AIFM3: variants seen among roughly 807,000 people sequenced by gnomAD.
AIFM3 encodes the protein AIF family member 3, also known as apoptosis-inducing factor 3.
In AIFM3, 71 loss-of-function variants were observed where a neutral mutation model predicts 82.7. That is an observed-to-expected ratio of 0.86 (90% confidence interval 0.71 to 1.05). AIFM3 has a LOEUF of 1.05. Ranked by LOEUF, AIFM3 falls within the 50% of genes least tolerant of loss-of-function variation. AIFM3 has a pLI of 0.00. For synonymous variants in AIFM3, 337 were observed against 329.1 expected (o/e 1.02, Z -0.26); for missense variants, 748 against 816.7 (o/e 0.92, Z 1.03).
In AIFM3 at chr22:20,974,824, G is replaced by A; in HGVS notation, c.720+8G>A. On this transcript the variant is annotated splice_region_variant and intron_variant, in intron 8 of 20. Coordinates refer to ENST00000440238, the MANE Select transcript of AIFM3 (RefSeq NM_001386814.1). ...CGTCCCAAGCTCAGCAAGGTACAGG[G>A]GGTGGGGCAAGTAGGGACCCTATCC... 6.2e-7 allele frequency: 1 copy of A among 1,611,804 alleles called. No individual in the cohort carries two copies. Among genetic ancestry groups the A allele is most frequent in the Non-Finnish European group, 8.5e-7 (1 of 1,179,640 alleles).
In AIFM3 at chr22:20,976,840, CGCCCACCT is replaced by C. The variant is rs1569149536; in HGVS notation, c.1147-20_1147-13del. The C allele has an allele frequency of 6.3e-7, 1 of 1,593,124 alleles. No homozygotes were observed. Among genetic ancestry groups the C allele is most frequent in the Non-Finnish European group, 8.6e-7 (1 of 1,168,438 alleles). ...GGCCCCTGGCTGGGCTCTCATCCAC[CGCCCACCT>C]GCCCACTTGCCCTGACAGATGTTTG... On this transcript the variant is annotated intron_variant, in intron 12 of 20. Transcript: ENST00000440238.
intron 12 of AIFM3, 25 bp from the exon 13 acceptor site, chr22:20,976,842 C>A: frequency 6.3e-7 from 1 of 1,592,738 alleles, no homozygotes; most frequent in South Asian, 1.1e-5. Flanking sequence ...TCATCCACCG[C>A]CCACCTGCCC....
rs1437951610 is a variant in AIFM3, at chr22:20,967,274, A to G, written c.-170A>G. ...AGCCTCAGTCCACTGCTGGGCCTGG[A>G]ACACGGAGCAGTGGCTGCCCTGCGA... On this transcript the variant is annotated 5_prime_UTR_variant, in exon 1 of 21. Transcript: ENST00000440238. The G allele has an allele frequency of 6.6e-6, 1 of 152,300 alleles. No homozygotes were observed. The highest frequency in any genetic ancestry group is 2.4e-5 in the African/African-American group (1 of 41,416). The allele number at this position is 152,300 out of a possible 1,614,324, so 9.4% of individuals were successfully genotyped here.
At position 20,977,944 on chromosome 22, in the gene AIFM3, C is replaced by T; in HGVS notation, c.1416C>T (p.Pro472=). Reference sequence around the variant, plus strand: ...CAGCTGGCGATGCTGTCACCTTCCCCCTTGCCTGGAGGAACAACCGCAAAG... The same window carrying T: ...CAGCTGGCGATGCTGTCACCTTCCCTCTTGCCTGGAGGAACAACCGCAAAG... ...VFAAGDAVTF[P]LAWRNNRKVN... Residue 472 remains proline (P), a synonymous_variant, in exon 16 of 21, where the codon CCC becomes CCT. Coordinates refer to ENST00000440238, the MANE Select transcript of AIFM3 (RefSeq NM_001386814.1). 6.2e-7 allele frequency: 1 copy of T among 1,614,200 alleles called. No homozygotes were observed.
chr22:20,974,339 G>A (rs1489216413), intron 6 of AIFM3, 43 bp downstream of exon 6: 1 of 1,606,194 alleles, frequency 6.2e-7, no homozygotes, highest in East Asian at 2.2e-5. Flanking sequence ...GAGGAGCCGG[G>A]AGGGCATCTT....
rs1459990567 is a variant in AIFM3 at position 20,973,183 on chromosome 22, G to T, written c.32-124G>T. On this transcript the variant is annotated intron_variant, in intron 2 of 20. Transcript: ENST00000440238. ...GGGCTGGTGGTGCAGAGGGAATTCT[G>T]GGGAGGTTGCCAGGCAGGGCTGAGC... The T allele has an allele frequency of 7.2e-6, 8 of 1,114,620 alleles. No individual in the cohort carries two copies. The Admixed American group carries it at 1.5e-4, about 21-fold the overall frequency. 69.0% of individuals were successfully genotyped at this position (1,114,620 alleles called of 1,614,324 possible).
upstream of AIFM3, among the ~76,000 whole-genome samples, chr22:20,966,245 AGGGCTGAAC>A (rs1922886771): frequency 5.1e-5 from 1 of 19,728 alleles, no homozygotes; most frequent in South Asian, 1.9e-3. Context: ...GGAAGCGGGC[AGGGCTGAAC>A]CAGGGCTGAA....
chr22:20,976,608 G>C lies in AIFM3; in HGVS notation c.1031-43G>C. The C allele has an allele frequency of 1.9e-6, 3 of 1,612,874 alleles. No individual in the cohort carries two copies. In the South Asian group the frequency reaches 3.3e-5, roughly 18 times the overall value. On this transcript the variant is annotated intron_variant, in intron 11 of 20. Coordinates refer to ENST00000440238, the MANE Select transcript of AIFM3 (RefSeq NM_001386814.1). ...CCAGTCCCAGGGAAGTTCTGGTCGA[G>C]GAAGGTGCAGGTGCCAGCCTGCCAC...
Position 20,980,055 on chromosome 22 carries a change from A to G in AIFM3, c.1688A>G (p.Tyr563Cys), listed in dbSNP as rs1193818891. 1 of 1,611,528 alleles carries G rather than the reference A, an allele frequency of 6.2e-7. No homozygotes were observed. The highest frequency in any genetic ancestry group is 8.5e-7 in the Non-Finnish European group (1 of 1,179,986). Residue 563 changes from tyrosine (Y) to cysteine (C), a missense_variant, in exon 19 of 21, where the codon TAC (tyrosine) becomes TGC (cysteine). Tyr to Cys is a radical substitution (Grantham distance 194). This residue lies in a region of AIFM3 where 183 missense variants were observed against 158.2 expected (regional missense o/e 1.16). Transcript: ENST00000440238. Reference sequence around the variant, plus strand: ...GTGATCGCCGTGGCCAGCATGAACTACGATCCCATTGTGTCCAAGGTCGCT... The same window carrying G: ...GTGATCGCCGTGGCCAGCATGAACTGCGATCCCATTGTGTCCAAGGTCGCT... ...DEVIAVASMN[Y>C]DPIVSKVAEV...
chr22:20,973,751 TC>T lies in AIFM3; in HGVS notation c.246-3del. 6.5e-7 allele frequency: 1 copy of T among 1,543,932 alleles called. No individual in the cohort carries two copies. Among genetic ancestry groups the T allele is most frequent in the Non-Finnish European group, 8.7e-7 (1 of 1,144,520 alleles). On this transcript the variant is annotated splice_region_variant and splice_polypyrimidine_tract_variant and intron_variant, in intron 3 of 20. Coordinates refer to ENST00000440238, the MANE Select transcript of AIFM3 (RefSeq NM_001386814.1). ...TGGCCTGACCTCTGAGTGCTGCGGTTCCCCAGGATGCGGGAAGTGGAGCTGG... is the reference window on the plus strand; with the variant it reads ...TGGCCTGACCTCTGAGTGCTGCGGTTCCCAGGATGCGGGAAGTGGAGCTGG...
intron 14 of AIFM3, 76 bp from the exon 15 acceptor site, chr22:20,977,624 G>A (rs545424676): frequency 7.6e-6 from 12 of 1,571,486 alleles, no homozygotes; most frequent in South Asian, 5.6e-5. Flanking sequence ...CACATCAAGC[G>A]CATGCTGTAG....
Position 20,979,389 on chromosome 22 carries a change from T to C in AIFM3, c.1576+20T>C, listed in dbSNP as rs1186019554. 1.1e-6 allele frequency: 1 copy of C among 877,124 alleles called. No homozygotes were observed. Among genetic ancestry groups the C allele is most frequent in the Admixed American group, 4.6e-5 (1 of 21,640 alleles). 54.3% of individuals were successfully genotyped at this position (877,124 alleles called of 1,614,324 possible). A position where few individuals can be genotyped will look rare whatever the true frequency, so the allele number is the denominator to read the frequency against. ...ACGCGGGTAACCCCGGGGCCTCGGA[T>C]GGGGGCGGGGCCGAGGGCGTTTAGG... On this transcript the variant is annotated intron_variant, in intron 17 of 20. Coordinates refer to ENST00000440238, the MANE Select transcript of AIFM3 (RefSeq NM_001386814.1).
chr22:20,979,577 C>T (rs370939285), intron 17 of AIFM3, 50 bp from the exon 18 acceptor site: 26 of 1,604,942 alleles, frequency 1.6e-5, no homozygotes, highest in Non-Finnish European at 2.2e-5. Context: ...TGTGACGTCT[C>T]GTTCCCTCCC....
rs144862097 is a variant in AIFM3 at position 20,976,650 on chromosome 22, G to A, written c.1031-1G>A. 23 of 1,611,000 alleles carry A rather than the reference G, an allele frequency of 1.4e-5. No homozygotes were observed. The highest frequency in any genetic ancestry group is 2.0e-5 in the Non-Finnish European group (23 of 1,178,546). On this transcript the variant is annotated splice_acceptor_variant, in intron 11 of 20. Coordinates refer to ENST00000440238, the MANE Select transcript of AIFM3 (RefSeq NM_001386814.1). LOFTEE classifies it high-confidence loss of function. ...GCCTGCCACCCCCTGCCCATCACCA[G>A]GGATGGAGGTGGCCGCTTACCTGAC...
At chr22:20,979,180 C>G in intron 16 of AIFM3, 91 bp from the exon 17 acceptor site, 1 of 1,297,800 alleles carries the variant, frequency 7.7e-7, no homozygotes, top group Non-Finnish European at 1.1e-6. Context: ...GGAGTAGCCA[C>G]ACGTGTCAGG....
At position 20,978,151 on chromosome 22, in the gene AIFM3, C is replaced by T. The variant is rs55727705; in HGVS notation, c.1477+146C>T. The T allele has an allele frequency of 1.9e-4, 144 of 769,892 alleles. 1 individual carries two copies. The highest frequency in any genetic ancestry group is 1.3e-3 in the Admixed American group (58 of 46,064). The allele number at this position is 769,892 out of a possible 1,614,324, so 47.7% of individuals were successfully genotyped here. On this transcript the variant is annotated intron_variant, in intron 16 of 20. Transcript: ENST00000440238. The stretch of plus-strand genomic sequence containing the variant: ...ATGTGGATTCTCTGGCCAGCCTCAT[C>T]TCGGCGATCCAGCCAACACAGAGAG...
In AIFM3 at chr22:20,975,793, G is replaced by A; in HGVS notation, c.807+15G>A. On this transcript the variant is annotated intron_variant, in intron 9 of 20. Coordinates refer to ENST00000440238, the MANE Select transcript of AIFM3 (RefSeq NM_001386814.1). ...CCGAGGCTCAGGTACAGGGTCAAGG[G>A]TGGGAAACAGGCCCGAGGAGGGAAG... The A allele has an allele frequency of 1.9e-6, 3 of 1,610,242 alleles. No homozygotes were observed. The highest frequency in any genetic ancestry group is 2.5e-6 in the Non-Finnish European group (3 of 1,179,874).
Position 20,978,643 on chromosome 22 carries a change from T to C in AIFM3, c.1478-628T>C, listed in dbSNP as rs1010763559. ...GACTTCTCTGCACCCATCTCCCCTT[T>C]CCTCTGCCTTTACACCTGAGGGTCT... On this transcript the variant is annotated intron_variant, in intron 16 of 20. Transcript: ENST00000440238. Among the ~76,000 whole-genome samples the C allele has an allele frequency of 8.6e-5, 13 of 151,874 alleles. 1 individual carries two copies. Among genetic ancestry groups the C allele is most frequent in the African/African-American group, 2.9e-4 (12 of 41,342 alleles).
At position 20,976,883 on chromosome 22, in the gene AIFM3, G is replaced by A. The variant is rs765745859; in HGVS notation, c.1163G>A (p.Arg388Gln). Reference sequence around the variant, plus strand: ...CCCTGACAGATGTTTGAGAACAACCGGGTGAAGTTCTACATGCAGACGGAG... The same window carrying A: ...CCCTGACAGATGTTTGAGAACAACCAGGTGAAGTTCTACATGCAGACGGAG... ...RALMKMFENN[R>Q]VKFYMQTEVS... is the part of the protein sequence containing the mutation. The change falls in exon 13 of 21, where the codon CGG becomes CAG. Residue 388 changes from arginine (R) to glutamine (Q), a missense_variant. Transcript: ENST00000440238. 6.9e-5 allele frequency: 110 copies of A among 1,604,378 alleles called. No homozygotes were observed. Among genetic ancestry groups the A allele is most frequent in the Non-Finnish European group, 8.1e-5 (95 of 1,173,866 alleles).
Sources: allele counts gnomAD v4.1 joint callset (sites outside exome capture counted in the v4.1 genomes callset), GRCh38; gene constraint gnomAD v4.1.1; regional missense constraint gnomAD v4.1.1; transcripts MANE v1.5; gene names NCBI Gene and HGNC (gene_info 2026-07-23, HGNC 2026-07-21).